Variants in NPRL3 observed in about 807,000 individuals in gnomAD.
The protein encoded by NPRL3 is GATOR1 complex protein NPRL3.
NPRL3 carries 23 observed loss-of-function variants against 57.2 expected under a neutral mutation model. The ratio of observed to expected loss-of-function variants is 0.40; its 90% confidence interval spans 0.29 to 0.57. The LOEUF (loss-of-function observed/expected upper bound fraction) is 0.57, where lower values mean the gene tolerates loss of function less well. Ranked by LOEUF, NPRL3 falls within the 20% of genes least tolerant of loss-of-function variation. The probability of loss-of-function intolerance (pLI) is 0.42; values close to 1 mark genes in which losing one functional copy is unlikely to be tolerated. For missense variants in NPRL3, 691 were observed against 767.1 expected (o/e 0.90, Z 1.17); for synonymous variants, 333 against 321.1 (o/e 1.04, Z -0.39).
chr16:89,600 G>A lies in NPRL3; in HGVS notation c.1351+113C>T, dbSNP rs894379191. The A allele has an allele frequency of 6.0e-6, 6 of 1,000,578 alleles. No homozygotes were observed. In the African/African-American group the frequency reaches 8.5e-5, roughly 14 times the overall value. 62.0% of individuals were successfully genotyped at this position (1,000,578 alleles called of 1,614,324 possible). On this transcript the variant is annotated intron_variant, in intron 12 of 13. Transcript: ENST00000611875. Reference sequence around the variant, plus strand: ...GGACACGAGGCACGTGCATGTGCGTGTGCAGCTGTGTGGAGGCCCCTCATC... The same window carrying A: ...GGACACGAGGCACGTGCATGTGCGTATGCAGCTGTGTGGAGGCCCCTCATC...
intron 3 of NPRL3, among the ~76,000 whole-genome samples, chr16:122,349 G>A (rs866539932): frequency 6.6e-6 from 1 of 152,004 alleles, no homozygotes; most frequent in East Asian, 1.9e-4. Context: ...TGCCCACCTC[G>A]GCCTCCCAAA....
chr16:90,557 G>C (rs1898721121), intron 11 of NPRL3: 1 of 152,550 alleles, frequency 6.6e-6, no homozygotes, highest in Non-Finnish European at 1.5e-5. Context: ...CTGGCAGTGA[G>C]GAGCAGTGAG....
intron 7 of NPRL3, among the ~76,000 whole-genome samples, chr16:101,742 CCT>C (rs2141928610): frequency 6.6e-6 from 1 of 152,336 alleles, no homozygotes; most frequent in African/African-American, 2.4e-5. Context: ...GGCCTCACTC[CCT>C]GTGCCCAGTC....
chr16:131,524 A>G (rs1900795285), intron 2 of NPRL3, among the ~76,000 whole-genome samples: 1 of 140,522 alleles, frequency 7.1e-6, no homozygotes, highest in African/African-American at 2.6e-5. Context: ...GGGCACCTGT[A>G]ATCCCAGCTA....
intron 2 of NPRL3, among the ~76,000 whole-genome samples, chr16:131,463 G>A (rs1488110285): frequency 2.2e-5 from 3 of 137,016 alleles, no homozygotes; most frequent in Non-Finnish European, 3.1e-5. Flanking sequence ...TGGGAGACAC[G>A]GCAAGACTCC....
At chr16:121,590 A>C (rs574585413) in intron 3 of NPRL3, among the ~76,000 whole-genome samples, 1 of 150,384 alleles carries the variant, frequency 6.6e-6, no homozygotes, top group South Asian at 2.2e-4. Flanking sequence ...ACTGCACTCC[A>C]GCCTGGGTGA....
intron 11 of NPRL3, among the ~76,000 whole-genome samples, chr16:91,491 A>G (rs1036254881): frequency 6.6e-6 from 1 of 152,222 alleles, no homozygotes; most frequent in African/African-American, 2.4e-5. Flanking sequence ...ATGGCCTGGA[A>G]AAGCCACTCC....
In NPRL3 at chr16:138,328, A is replaced by T; in HGVS notation, c.-61T>A. ...CAGAGGAGGACGGAGCCGGAGGCGG[A>T]GGGGGCCTGAGGAGGACGGAGCCGG... On this transcript the variant is annotated 5_prime_UTR_variant, in exon 2 of 14. Coordinates refer to ENST00000611875, the MANE Select transcript of NPRL3 (RefSeq NM_001077350.3). 1.3e-6 allele frequency: 1 copy of T among 787,344 alleles called. No homozygotes were observed. Among genetic ancestry groups the T allele is most frequent in the South Asian group, 3.0e-5 (1 of 33,352 alleles). 48.8% of individuals were successfully genotyped at this position (787,344 alleles called of 1,614,324 possible).
chr16:135,367 T>C (rs1399558248), intron 2 of NPRL3, among the ~76,000 whole-genome samples: 1 of 152,046 alleles, frequency 6.6e-6, no homozygotes, highest in Non-Finnish European at 1.5e-5. Flanking sequence ...AAGACATACT[T>C]TGGGATGCCG....
chr16:127,536 C>T (rs1351320160), intron 3 of NPRL3, among the ~76,000 whole-genome samples: 1 of 152,140 alleles, frequency 6.6e-6, no homozygotes, highest in Non-Finnish European at 1.5e-5. Flanking sequence ...CTCCCGGCCC[C>T]AAAAGAACTT....
intron 5 of NPRL3, among the ~76,000 whole-genome samples, chr16:113,328 T>C (rs1215136979): frequency 6.6e-6 from 1 of 152,182 alleles, no homozygotes; most frequent in African/African-American, 2.4e-5. Context: ...GTTCACTGAA[T>C]ACTTTTGGTC....
At chr16:123,638 A>G in intron 3 of NPRL3, 1 of 454,362 alleles carries the variant, frequency 2.2e-6, no homozygotes, top group Non-Finnish European at 4.5e-6. Context: ...TAAAAACTGC[A>G]CAAAAGTCTA....
At chr16:121,379 T>C (rs1900271111) in intron 3 of NPRL3, among the ~76,000 whole-genome samples, 1 of 151,914 alleles carries the variant, frequency 6.6e-6, no homozygotes, top group African/African-American at 2.4e-5. Context: ...TCCCAGCACT[T>C]TGGGAGGCTG....
Position 112,732 on chromosome 16 carries a change from G to A in NPRL3, c.437C>T (p.Ser146Phe). The change falls in exon 6 of 14, where the codon TCC (serine) becomes TTC (phenylalanine). Residue 146 changes from serine to phenylalanine, a missense_variant. Physicochemically the swap from Ser to Phe is radical, Grantham distance 155. Coordinates refer to ENST00000611875, the MANE Select transcript of NPRL3 (RefSeq NM_001077350.3). ...PSVINCLHNL[S>F]RRIATVLQHE... ...CTGCAGCACGGTGGCGATACGACGG[G>A]ACAGGTTATGCAGACAGTTTATCAC... 1 of 1,612,240 alleles carries A rather than the reference G, an allele frequency of 6.2e-7. No homozygotes were observed. The highest frequency in any genetic ancestry group is 8.5e-7 in the Non-Finnish European group (1 of 1,178,838).
intron 7 of NPRL3, among the ~76,000 whole-genome samples, chr16:108,947 G>A (rs1317270307): frequency 6.6e-6 from 1 of 152,060 alleles, no homozygotes; most frequent in Non-Finnish European, 1.5e-5. Context: ...TGGGATCACA[G>A]GTGTGAGCCA....
At position 85,519 on chromosome 16, in the gene NPRL3, G is replaced by A. The variant is rs755493706; in HGVS notation, c.*1186C>T. 1 of 1,613,390 alleles carries A rather than the reference G, an allele frequency of 6.2e-7. No homozygotes were observed. Among genetic ancestry groups the A allele is most frequent in the South Asian group, 1.1e-5 (1 of 91,086 alleles). On this transcript the variant is annotated 3_prime_UTR_variant, in exon 14 of 14. Transcript: ENST00000611875. ...CCAGCCGTGTCCTCAAGGACCGCGA[G>A]CTCTGCAGTGGCCCCTCCAAGCTGT...
At chr16:135,940 C>G (rs770139621) in intron 2 of NPRL3, among the ~76,000 whole-genome samples, 1 of 152,080 alleles carries the variant, frequency 6.6e-6, no homozygotes, top group African/African-American at 2.4e-5. Context: ...AAAAGGAAAT[C>G]CAAATGGCTC....
intron 7 of NPRL3, among the ~76,000 whole-genome samples, chr16:101,384 T>A (rs972049573): frequency 6.6e-6 from 1 of 152,188 alleles, no homozygotes; most frequent in African/African-American, 2.4e-5. Flanking sequence ...TGCATGTGGA[T>A]ACCAAGTGGT....
At chr16:117,939 G>A (rs1276419625) in intron 4 of NPRL3, among the ~76,000 whole-genome samples, 1 of 152,212 alleles carries the variant, frequency 6.6e-6, no homozygotes, top group Non-Finnish European at 1.5e-5. Context: ...TGCCACCAGG[G>A]GGAGTTGGGG....
Sources: allele counts gnomAD v4.1 joint callset (sites outside exome capture counted in the v4.1 genomes callset), GRCh38; gene constraint gnomAD v4.1.1; transcripts MANE v1.5; gene names NCBI Gene and HGNC (gene_info 2026-07-23, HGNC 2026-07-21).